GALNT13: variants seen among roughly 807,000 people sequenced by gnomAD.
The protein encoded by GALNT13 is UDP-GalNAc:polypeptide N-acetylgalactosaminyltransferase 13.
Under a neutral mutation model 64.2 loss-of-function variants are expected in GALNT13, and 28 were observed. That is an observed-to-expected ratio of 0.44 (90% CI 0.32 to 0.60). The LOEUF is 0.60. Among genes scored for constraint, GALNT13 ranks in the 20% least tolerant of loss-of-function variants. The pLI is 0.05. For synonymous variants in GALNT13, 214 were observed against 224.6 expected (o/e 0.95, Z 0.42); for missense variants, 577 against 669.8 (o/e 0.86, Z 1.53).
intron 3 of GALNT13, among the ~76,000 whole-genome samples, chr2:154,130,118 A>G (rs957843978): frequency 6.6e-6 from 1 of 152,072 alleles, no homozygotes; most frequent in Non-Finnish European, 1.5e-5. Flanking sequence ...TAAGCTTGCA[A>G]TTTTTCTTCC....
the GALNT13 span, among the ~76,000 whole-genome samples, chr2:153,703,806 A>G: frequency 2.6e-5 from 4 of 152,206 alleles, no homozygotes; most frequent in Non-Finnish European, 4.4e-5. Flanking sequence ...TGCTCTGCTT[A>G]GAGACTGTGT....
chr2:153,405,040 T>C, the GALNT13 span, among the ~76,000 whole-genome samples: 1 of 152,196 alleles, frequency 6.6e-6, no homozygotes, highest in African/African-American at 2.4e-5. Flanking sequence ...CCAGAGCTTG[T>C]GGTGTCCTTC....
chr2:154,435,876 T>A (rs983125743), intron 11 of GALNT13: 14 of 152,144 alleles, frequency 9.2e-5, no homozygotes, highest in Admixed American at 7.2e-4. Context: ...ATGAAAAAAA[T>A]TTTAATAATG....
chr2:154,247,436 A>G (rs969629692), intron 7 of GALNT13, among the ~76,000 whole-genome samples: 2 of 152,080 alleles, frequency 1.3e-5, no homozygotes, highest in Non-Finnish European at 2.9e-5. Flanking sequence ...ATACACTTAC[A>G]TATAGATAAT....
chr2:153,920,505 T>C (rs1259874690), intron 2 of GALNT13, among the ~76,000 whole-genome samples: 1 of 152,022 alleles, frequency 6.6e-6, no homozygotes, highest in African/African-American at 2.4e-5. Flanking sequence ...AAGACTTTAA[T>C]ATAAGACCCA....
chr2:154,325,052 T>C (rs1395689239), intron 9 of GALNT13, among the ~76,000 whole-genome samples: 5 of 152,046 alleles, frequency 3.3e-5, no homozygotes, highest in Non-Finnish European at 5.9e-5. Flanking sequence ...ACTGTTTCAC[T>C]GTAGCTGGAA....
chr2:153,679,143 C>G, the GALNT13 span, among the ~76,000 whole-genome samples: 1 of 151,876 alleles, frequency 6.6e-6, no homozygotes, highest in Non-Finnish European at 1.5e-5. Context: ...CCTTGCTTCC[C>G]ACTACATATG....
chr2:153,553,647 A>G, the GALNT13 span, among the ~76,000 whole-genome samples: 5 of 152,220 alleles, frequency 3.3e-5, no homozygotes, highest in African/African-American at 1.2e-4. Context: ...ATATAAAATT[A>G]AAAACTGTGG....
chr2:154,148,055 C>A (rs1485577075), intron 4 of GALNT13, among the ~76,000 whole-genome samples: 1 of 152,072 alleles, frequency 6.6e-6, no homozygotes, highest in East Asian at 1.9e-4. Flanking sequence ...TCTCCTAATG[C>A]TATCCCTCCA....
chr2:153,617,933 T>C, the GALNT13 span, among the ~76,000 whole-genome samples: 2 of 151,818 alleles, frequency 1.3e-5, no homozygotes, highest in Non-Finnish European at 1.5e-5. Context: ...TCTCTGATTT[T>C]AGTTATTTGG....
intron 3 of GALNT13, among the ~76,000 whole-genome samples, chr2:154,022,363 T>C (rs898735153): frequency 6.6e-5 from 10 of 152,216 alleles, no homozygotes; most frequent in African/African-American, 2.4e-4. Flanking sequence ...AGCTATTGAT[T>C]ATTGCCACAA....
At chr2:153,766,805 A>G in the GALNT13 span, among the ~76,000 whole-genome samples, 1 of 151,960 alleles carries the variant, frequency 6.6e-6, no homozygotes, top group African/African-American at 2.4e-5. Flanking sequence ...TGTATTCTTG[A>G]AGCTAATTAA....
intron 4 of GALNT13, among the ~76,000 whole-genome samples, chr2:154,196,562 A>G (rs977450049): frequency 6.6e-6 from 1 of 152,222 alleles, no homozygotes; most frequent in Admixed American, 6.5e-5. Context: ...AAGCTGTAAC[A>G]AAATTTAATT....
At position 154,040,281 on chromosome 2, in the gene GALNT13, C is replaced by A. The variant is rs1023719770; in HGVS notation, c.142+95642C>A. ...GTGAAAATGCTCAAATCAAGAAGGT[C>A]ATTGTGAGTTCTTTAAAGCCCAAAC... On this transcript the variant is annotated intron_variant, in intron 3 of 12. Coordinates refer to ENST00000392825, the MANE Select transcript of GALNT13 (RefSeq NM_052917.4). Among the ~76,000 whole-genome samples, 5 of 140,640 alleles carry A rather than the reference C, an allele frequency of 3.6e-5. 2 individuals carry two copies. The highest frequency in any genetic ancestry group is 8.2e-5 in the Non-Finnish European group (5 of 61,218). 92.3% of individuals were successfully genotyped at this position (140,640 alleles called of 152,430 possible).
At chr2:153,997,064 G>A (rs957847859) in intron 3 of GALNT13, among the ~76,000 whole-genome samples, 4 of 151,990 alleles carry the variant, frequency 2.6e-5, no homozygotes, top group African/African-American at 9.7e-5. Context: ...ATGCTGTTTT[G>A]GTTACTGTGG....
chr2:153,434,248 G>A, the GALNT13 span, among the ~76,000 whole-genome samples: 1 of 152,122 alleles, frequency 6.6e-6, no homozygotes. Context: ...ATTTGGGTTG[G>A]TTCCAAGTCT....
chr2:153,706,485 G>A, the GALNT13 span, among the ~76,000 whole-genome samples: 1 of 152,156 alleles, frequency 6.6e-6, no homozygotes, highest in Non-Finnish European at 1.5e-5. Context: ...TTTATCAAAT[G>A]ACTTCATTTT....
chr2:153,792,169 G>A, the GALNT13 span, among the ~76,000 whole-genome samples: 2 of 152,034 alleles, frequency 1.3e-5, no homozygotes, highest in Non-Finnish European at 2.9e-5. Flanking sequence ...TTTTCTATAT[G>A]TATGTAATTA....
chr2:153,646,061 C>T, the GALNT13 span, among the ~76,000 whole-genome samples: 1 of 151,932 alleles, frequency 6.6e-6, no homozygotes, highest in African/African-American at 2.4e-5. Context: ...GTAATAATGC[C>T]AAAGATGGAG....
Sources: allele counts gnomAD v4.1 joint callset (sites outside exome capture counted in the v4.1 genomes callset), GRCh38; gene constraint gnomAD v4.1.1; transcripts MANE v1.5; gene names NCBI Gene and HGNC (gene_info 2026-07-23, HGNC 2026-07-21).